The following PCDHAC1 variants were observed in gnomAD, a reference collection of about 807,000 sequenced individuals.
PCDHAC1 encodes the protein protocadherin alpha-C1.
In PCDHAC1, 42 loss-of-function variants were observed where a neutral mutation model predicts 60.0. The observed-to-expected ratio is 0.70, with a 90% confidence interval of 0.55 to 0.90. The LOEUF is 0.90. PCDHAC1 is among the 40% of genes least tolerant of loss of function. The pLI is 0.00. For missense variants in PCDHAC1, 1,160 were observed against 1,222.3 expected (o/e 0.95, Z 0.76); for synonymous variants, 468 against 499.3 (o/e 0.94, Z 0.84).
chr5:140,993,270 G>A (rs190721014), intron 3 of PCDHAC1, among the ~76,000 whole-genome samples: 360 of 151,912 alleles, frequency 2.4e-3, no homozygotes, highest in African/African-American at 8.3e-3. Context: ...AGCTTCTTTG[G>A]TCTTTTCTTG....
At position 140,928,189 on chromosome 5, in the gene PCDHAC1, G is replaced by GTGA. The variant is rs1321549982; in HGVS notation, c.1299_1300insATG (p.Val433_Ser434insMet). On this transcript the variant is annotated inframe_insertion, in exon 1 of 4. Transcript: ENST00000253807. The stretch of plus-strand genomic sequence containing the variant: ...ACTTAGCACCCGAAGGACAATCACT[G>GTGA]TGTCAGTTGCTGATGTGAATGACAA... 5 of 1,614,096 alleles carry GTGA rather than the reference G, an allele frequency of 3.1e-6. No homozygotes were observed. In the East Asian group the frequency reaches 8.9e-5, roughly 29 times the overall value.
chr5:140,965,834 G>T (rs1018708290), intron 1 of PCDHAC1, among the ~76,000 whole-genome samples: 1 of 152,128 alleles, frequency 6.6e-6, no homozygotes, highest in Admixed American at 6.5e-5. Context: ...TTAAATATTG[G>T]TTATTTGCCA....
chr5:140,989,686 C>T (rs534780216), intron 3 of PCDHAC1, among the ~76,000 whole-genome samples: 2 of 152,254 alleles, frequency 1.3e-5, no homozygotes, highest in African/African-American at 4.8e-5. Flanking sequence ...TTCAAAGGAA[C>T]GTGAAAATTT....
rs572205670 is a variant in PCDHAC1 at position 140,933,229 on chromosome 5, G to A, written c.2433+3904G>A. ...TACATGTCTGTTATATTGCATTTAT[G>A]AAAAAGAAAGGACTATAAACACAAA... On this transcript the variant is annotated intron_variant, in intron 1 of 3. Coordinates refer to ENST00000253807, the MANE Select transcript of PCDHAC1 (RefSeq NM_018898.5). Among the ~76,000 whole-genome samples, 114 of 151,958 alleles carry A rather than the reference G, an allele frequency of 7.5e-4. 1 individual carries two copies. The highest frequency in any genetic ancestry group is 1.5e-3 in the Non-Finnish European group (99 of 67,810).
intron 1 of PCDHAC1, among the ~76,000 whole-genome samples, chr5:140,932,592 T>C (rs1435571468): frequency 7.2e-5 from 11 of 151,922 alleles, no homozygotes; most frequent in Non-Finnish European, 2.9e-5. Context: ...AGATGTTTTG[T>C]ATATCTATTT....
At chr5:140,977,784 A>G (rs1284023783) in intron 1 of PCDHAC1, among the ~76,000 whole-genome samples, 1 of 152,366 alleles carries the variant, frequency 6.6e-6, no homozygotes, top group East Asian at 1.9e-4. Context: ...TAAAGGAACT[A>G]TATGAATGAT....
rs782803893 is a variant in PCDHAC1, at chr5:140,927,898, C to G, written c.1006C>G (p.His336Asp). 3.1e-6 allele frequency: 5 copies of G among 1,614,230 alleles called. No individual in the cohort carries two copies. In the South Asian group the frequency reaches 4.4e-5, roughly 14 times the overall value. Residue 336 changes from histidine to aspartate, a missense_variant, in exon 1 of 4, where the codon CAT (histidine) becomes GAT (aspartate). Coordinates refer to ENST00000253807, the MANE Select transcript of PCDHAC1 (RefSeq NM_018898.5). Reference sequence around the variant, plus strand: ...GGTGGAGGTGACTGACGTGAACGATCATGCCCCCGAACTGGACTTCCTGAC... The same window carrying G: ...GGTGGAGGTGACTGACGTGAACGATGATGCCCCCGAACTGGACTTCCTGAC... Reference protein sequence around the residue: ...LLVEVTDVNDHAPELDFLTLS... With the variant: ...LLVEVTDVNDDAPELDFLTLS...
At chr5:140,941,412 G>A (rs246068) in intron 1 of PCDHAC1, among the ~76,000 whole-genome samples, 46,949 of 148,492 alleles carry the variant, frequency 0.32, 7,794 homozygotes, top group East Asian at 0.53. Context: ...CGCCTCCCGG[G>A]TTCAAGCAAT....
intron 1 of PCDHAC1, among the ~76,000 whole-genome samples, chr5:140,936,711 A>G (rs2091105126): frequency 6.6e-6 from 1 of 152,212 alleles, no homozygotes; most frequent in African/African-American, 2.4e-5. Flanking sequence ...TCTTGTGCCA[A>G]TACATTCTGT....
At chr5:140,968,044 A>G (rs959631573) in intron 1 of PCDHAC1, 2 of 1,614,024 alleles carry the variant, frequency 1.2e-6, no homozygotes, top group Non-Finnish European at 1.7e-6. Context: ...TGAGCGGCCC[A>G]CTGGACCGAG....
rs782384924 is a variant in PCDHAC1, at chr5:140,928,681, TC to T, written c.1791del (p.Tyr598ThrfsTer18). The T allele has an allele frequency of 2.5e-6, 4 of 1,614,062 alleles. No individual in the cohort carries two copies. On this transcript the variant is annotated frameshift_variant, in exon 1 of 4. Transcript: ENST00000253807. LOFTEE classifies it high-confidence loss of function. Reference protein sequence around the residue: ...DADSGSNAWLSYHISRASDSS... With the variant: ...DADSGSNAWLXYHISRASDSS... Reference sequence around the variant, plus strand: ...TGACAGTGGTTCTAATGCCTGGCTTTCCTACCACATCTCCCGGGCGTCTGAC... The same window carrying T: ...TGACAGTGGTTCTAATGCCTGGCTTTCTACCACATCTCCCGGGCGTCTGAC...
At chr5:140,933,401 C>T (rs1382982699) in intron 1 of PCDHAC1, among the ~76,000 whole-genome samples, 1 of 151,928 alleles carries the variant, frequency 6.6e-6, no homozygotes, top group African/African-American at 2.4e-5. Flanking sequence ...ATCTGGTTAC[C>T]ATCTACAGAT....
Position 140,927,257 on chromosome 5 carries a change from C to T in PCDHAC1, c.365C>T (p.Pro122Leu). 1 of 1,614,152 alleles carries T rather than the reference C, an allele frequency of 6.2e-7. No homozygotes were observed. Among genetic ancestry groups the T allele is most frequent in the Non-Finnish European group, 8.5e-7 (1 of 1,180,026 alleles). Residue 122 changes from proline to leucine, a missense_variant, in exon 1 of 4, where the codon CCT becomes CTT. Coordinates refer to ENST00000253807, the MANE Select transcript of PCDHAC1 (RefSeq NM_018898.5). ...GTCCTGGACACCAATGACAACTCAC[C>T]TCTCTTTCCTGCCGGCGACGTGCAG... ...IHVLDTNDNS[P>L]LFPAGDVQLH...
At chr5:140,943,690 CA>C (rs2093548144) in intron 1 of PCDHAC1, among the ~76,000 whole-genome samples, 1 of 151,974 alleles carries the variant, frequency 6.6e-6, no homozygotes, top group Non-Finnish European at 1.5e-5. Context: ...GGGATAAGGT[CA>C]AAATATTGTG....
At chr5:140,935,894 CTT>C (rs55841305) in intron 1 of PCDHAC1, among the ~76,000 whole-genome samples, 8 of 136,706 alleles carry the variant, frequency 5.9e-5, no homozygotes, top group Non-Finnish European at 3.1e-5. Context: ...TCAATATTAT[CTT>C]TTTTTTTTTT....
chr5:140,939,499 A>G (rs1467638389), intron 1 of PCDHAC1, among the ~76,000 whole-genome samples: 1 of 152,234 alleles, frequency 6.6e-6, no homozygotes, highest in African/African-American at 2.4e-5. Flanking sequence ...TATAAATTCA[A>G]TGTCTATAAC....
chr5:140,964,689 GAGAGATTA>G (rs781865484), intron 1 of PCDHAC1, among the ~76,000 whole-genome samples: 4 of 152,008 alleles, frequency 2.6e-5, no homozygotes, highest in Non-Finnish European at 5.9e-5. Context: ...TTGTGCACTT[GAGAGATTA>G]AGGCCTCCGA....
intron 1 of PCDHAC1, among the ~76,000 whole-genome samples, chr5:140,959,354 A>C (rs1021119947): frequency 2.0e-5 from 3 of 152,244 alleles, no homozygotes; most frequent in African/African-American, 7.2e-5. Context: ...CAGCGGGACA[A>C]CTGAGTGAGA....
At chr5:140,967,591 G>A (rs1554229706) in intron 1 of PCDHAC1, 1 of 1,614,154 alleles carries the variant, frequency 6.2e-7, no homozygotes, top group East Asian at 2.2e-5. Flanking sequence ...CAGGCACATT[G>A]GTGGTGAAGC....
Sources: allele counts gnomAD v4.1 joint callset (sites outside exome capture counted in the v4.1 genomes callset), GRCh38; gene constraint gnomAD v4.1.1; transcripts MANE v1.5; gene names NCBI Gene and HGNC (gene_info 2026-07-23, HGNC 2026-07-21).